Variants in HPR observed in about 807,000 individuals in gnomAD.
The protein encoded by HPR is haptoglobin-related protein, also known as Haptoglobin-related locus.
Under a neutral mutation model 18.5 loss-of-function variants are expected in HPR, and 17 were observed. The ratio of observed to expected loss-of-function variants is 0.92; its 90% CI spans 0.63 to 1.38. HPR has a LOEUF of 1.38. HPR is among the 40% of genes most tolerant of loss of function. The pLI is 0.00. For missense variants in HPR, 457 were observed against 432.4 expected (o/e 1.06, Z -0.51); for synonymous variants, 176 against 165.0 (o/e 1.07, Z -0.51).
intron 1 of HPR, among the ~76,000 whole-genome samples, chr16:72,065,950 A>G (rs1398693936): frequency 6.6e-6 from 1 of 152,098 alleles, no homozygotes; most frequent in Non-Finnish European, 1.5e-5. Context: ...CCCATCCCAG[A>G]TTCTTCCCCA....
rs767678228 is a variant in HPR at position 72,073,946 on chromosome 16, G to A, written c.60G>A (p.Leu20=). 57 of 1,613,906 alleles carry A rather than the reference G, an allele frequency of 3.5e-5. No individual in the cohort carries two copies. Among genetic ancestry groups the A allele is most frequent in the Non-Finnish European group, 4.5e-5 (53 of 1,179,994 alleles). The change falls in exon 2 of 5, where the codon CTG becomes CTA. Residue 20 remains leucine (L), a synonymous_variant. Coordinates refer to ENST00000540303, the MANE Select transcript of HPR (RefSeq NM_020995.4). Reference sequence around the variant, plus strand: ...TCTGGGGACGACAGCTTTTTGCACTGTACTCAGGCAATGATGTCACGGATA... The same window carrying A: ...TCTGGGGACGACAGCTTTTTGCACTATACTCAGGCAATGATGTCACGGATA... ...LLLWGRQLFA[L]YSGNDVTDIS...
Position 72,070,259 on chromosome 16 carries a change from T to C in HPR, c.6-3633T>C, listed in dbSNP as rs557167607. On this transcript the variant is annotated intron_variant, in intron 1 of 4. Transcript: ENST00000540303. ...CCTATTTATACTCCACTGCTAACAT[T>C]CCTACATTCAAAATAAAAGATCAGT... Among the ~76,000 whole-genome samples, 24 of 152,308 alleles carry C rather than the reference T, an allele frequency of 1.6e-4. No individual in the cohort carries two copies. In the South Asian group the frequency reaches 5.0e-3, roughly 32 times the overall value.
At chr16:72,065,021 G>C (rs1597414916) in intron 1 of HPR, among the ~76,000 whole-genome samples, 1 of 152,206 alleles carries the variant, frequency 6.6e-6, no homozygotes, top group East Asian at 1.9e-4. Flanking sequence ...GAGTGACAAA[G>C]TACTTCCTTG....
At chr16:72,074,780 T>G (rs541136015) in intron 3 of HPR, 2 of 673,360 alleles carry the variant, frequency 3.0e-6, no homozygotes, top group Non-Finnish European at 5.4e-6. Flanking sequence ...TCCCACTGAA[T>G]AGAGGTTATT....
intron 1 of HPR, among the ~76,000 whole-genome samples, chr16:72,065,253 G>A (rs1357944338): frequency 6.6e-6 from 1 of 152,122 alleles, no homozygotes; most frequent in East Asian, 1.9e-4. Context: ...AAAAGGAGAA[G>A]AGTGTGAAGA....
intron 4 of HPR, among the ~76,000 whole-genome samples, chr16:72,075,421 G>T (rs1399231512): frequency 6.6e-6 from 1 of 152,216 alleles, no homozygotes; most frequent in Non-Finnish European, 1.5e-5. Context: ...GTTCATTGGG[G>T]CCTGAAGGGC....
intron 2 of HPR, 124 bp from the exon 3 acceptor site, chr16:72,074,160 C>T (rs557251989): frequency 6.3e-5 from 78 of 1,246,026 alleles, no homozygotes; most frequent in African/African-American, 4.0e-4. Flanking sequence ...CTTGAGCTTT[C>T]GTTGGCTTCT....
intron 1 of HPR, among the ~76,000 whole-genome samples, chr16:72,067,870 C>A (rs143359826): frequency 6.6e-6 from 1 of 152,266 alleles, no homozygotes; most frequent in East Asian, 1.9e-4. Flanking sequence ...TGTCCCCAAC[C>A]CTTACACCAT....
chr16:72,064,598 A>G (rs768502927), intron 1 of HPR, among the ~76,000 whole-genome samples: 1 of 152,212 alleles, frequency 6.6e-6, no homozygotes. Flanking sequence ...AGGACACAGT[A>G]GCAGGGACAA....
At chr16:72,069,520 C>A (rs2041633227) in intron 1 of HPR, among the ~76,000 whole-genome samples, 1 of 152,140 alleles carries the variant, frequency 6.6e-6, no homozygotes, top group Middle Eastern at 3.4e-3. Flanking sequence ...AAGGAGAAGA[C>A]CAGAATGAAA....
intron 1 of HPR, among the ~76,000 whole-genome samples, chr16:72,064,908 T>TGATGAATAACCCCAGACTCTCAACA (rs2041581790): frequency 6.6e-6 from 1 of 152,196 alleles, no homozygotes; most frequent in Non-Finnish European, 1.5e-5. Flanking sequence ...CCACCTGGTC[T>TGATGAATAACCCCAGACTCTCAACA]GATGAATAAC....
chr16:72,076,240 C>A, intron 4 of HPR, 63 bp from the exon 5 acceptor site: 4 of 1,594,860 alleles, frequency 2.5e-6, no homozygotes, highest in Non-Finnish European at 3.4e-6. Context: ...TGCTTTCACC[C>A]CTTTCTCAGA....
chr16:72,075,186 G>A lies in HPR; in HGVS notation c.235G>A (p.Ala79Thr), dbSNP rs1227878109. ...TGATAAGAAGCAGTGGATAAATAAG[G>A]CTGTTGGAGATAAACTTCCTGAATG... ...LNDKKQWINKAVGDKLPECEA... is the reference protein window; with the variant it reads ...LNDKKQWINKTVGDKLPECEA... The change falls in exon 4 of 5, where the codon GCT (alanine) becomes ACT (threonine). Residue 79 changes from alanine (A) to threonine (T), a missense_variant. By Grantham distance (58) the Ala-to-Thr change is moderately conservative (BLOSUM62 0). Transcript: ENST00000540303. 1 of 1,472,098 alleles carries A rather than the reference G, an allele frequency of 6.8e-7. No homozygotes were observed. The highest frequency in any genetic ancestry group is 1.2e-5 in the South Asian group (1 of 83,898). The allele number at this position is 1,472,098 out of a possible 1,614,324, so 91.2% of individuals were successfully genotyped here. A position where few individuals can be genotyped will look rare whatever the true frequency, so the allele number is the denominator to read the frequency against.
chr16:72,074,650 C>T, intron 3 of HPR: 1 of 711,078 alleles, frequency 1.4e-6, no homozygotes, highest in Non-Finnish European at 2.6e-6. Context: ...ATTTACATCT[C>T]CAGCAGATGT....
intron 1 of HPR, among the ~76,000 whole-genome samples, chr16:72,071,176 C>T (rs1047775598): frequency 2.6e-5 from 4 of 152,166 alleles, no homozygotes; most frequent in African/African-American, 4.8e-5. Flanking sequence ...CCAAGTATAG[C>T]GAGCTCAGCG....
chr16:72,075,646 T>C (rs1422200359), intron 4 of HPR, among the ~76,000 whole-genome samples: 3 of 152,230 alleles, frequency 2.0e-5, no homozygotes, highest in Non-Finnish European at 2.9e-5. Flanking sequence ...TGCTCTCTCC[T>C]TTCCGTCTCA....
intron 1 of HPR, 189 bp from the exon 2 acceptor site, chr16:72,073,703 G>A: frequency 6.7e-7 from 1 of 1,493,310 alleles, no homozygotes; most frequent in Non-Finnish European, 8.9e-7. Context: ...GAGGGTGGGG[G>A]CAACTTCTTG....
At chr16:72,075,599 G>A (rs1397945598) in intron 4 of HPR, among the ~76,000 whole-genome samples, 1 of 152,192 alleles carries the variant, frequency 6.6e-6, no homozygotes, top group Non-Finnish European at 1.5e-5. Flanking sequence ...CTGGACATGG[G>A]CTGGAACTCC....
intron 1 of HPR, among the ~76,000 whole-genome samples, chr16:72,063,824 C>T (rs1336180532): frequency 1.3e-5 from 2 of 151,614 alleles, no homozygotes; most frequent in African/African-American, 4.8e-5. Context: ...CTCATCGCAA[C>T]CTCCCCCTCC....
Sources: gnomAD v4.1 joint callset for allele counts (sites outside exome capture counted in the v4.1 genomes callset) on GRCh38, gnomAD v4.1.1 for gene constraint, MANE v1.5 for transcripts, NCBI Gene and HGNC (gene_info 2026-07-23, HGNC 2026-07-21) for gene names.